TRPM3: variants seen among roughly 807,000 people sequenced by gnomAD.
The protein encoded by TRPM3 is long transient receptor potential channel 3.
TRPM3 carries 77 observed loss-of-function variants against 181.2 expected under a neutral mutation model. The observed-to-expected ratio is 0.42, with a 90% confidence interval of 0.35 to 0.51. The LOEUF is 0.51. Ranked by LOEUF, TRPM3 falls within the 20% of genes least tolerant of loss-of-function variation. TRPM3 has a pLI of 0.01. For missense variants in TRPM3, 1,759 were observed against 2,196.7 expected (o/e 0.80, Z 3.98); for synonymous variants, 745 against 796.4 (o/e 0.94, Z 1.09).
In TRPM3 at chr9:71,321,073, T is replaced by C. The variant is rs573784065; in HGVS notation, c.183+125580A>G. ...TCCATCCTAGATTAAGTTACCATCA[T>C]GGACAATTTAAGCAACTACCTAACA... On this transcript the variant is annotated intron_variant, in intron 1 of 24. Coordinates refer to the TRPM3 transcript ENST00000357533. 5.3e-5 allele frequency among the ~76,000 whole-genome samples: 8 copies of C among 152,174 alleles called. 1 individual carries two copies. Among genetic ancestry groups the C allele is most frequent in the Admixed American group, 5.2e-4 (8 of 15,262 alleles).
chr9:70,632,023 G>A (rs1668685363), intron 12 of TRPM3, among the ~76,000 whole-genome samples: 1 of 152,124 alleles, frequency 6.6e-6, no homozygotes, highest in Non-Finnish European at 1.5e-5. Flanking sequence ...TTGTACCAGA[G>A]TTAATAACTT....
At chr9:71,028,165 G>A (rs1590779925) in intron 1 of TRPM3, among the ~76,000 whole-genome samples, 2 of 152,072 alleles carry the variant, frequency 1.3e-5, no homozygotes, top group African/African-American at 4.8e-5. Context: ...TATATTAAAC[G>A]TTCTTAAAGA....
chr9:70,576,224 C>G lies in TRPM3; in HGVS notation c.3223+14807G>C, dbSNP rs1260152931. The stretch of plus-strand genomic sequence containing the variant: ...CCATATCAGTGTCATAGAAACCCTT[C>G]TGGGAAGCCTTCAATGGTGGAGGAA... On this transcript the variant is annotated intron_variant, in intron 22 of 25. Transcript: ENST00000677713. 2.0e-5 allele frequency among the ~76,000 whole-genome samples: 3 copies of G among 152,174 alleles called. No individual in the cohort carries two copies. In the East Asian group the frequency reaches 5.8e-4, roughly 29 times the overall value.
intron 1 of TRPM3, among the ~76,000 whole-genome samples, chr9:71,183,215 C>T (rs577807583): frequency 2.0e-4 from 30 of 152,166 alleles, no homozygotes; most frequent in African/African-American, 2.6e-4. Flanking sequence ...CTACTGGATC[C>T]GCACAGTCAA....
intron 1 of TRPM3, among the ~76,000 whole-genome samples, chr9:71,254,032 G>C (rs1014498715): frequency 6.6e-6 from 1 of 152,110 alleles, no homozygotes; most frequent in African/African-American, 2.4e-5. Flanking sequence ...TGATTCTCCT[G>C]CCTCAGCCTC....
chr9:70,892,140 C>CG (rs2096213982), intron 1 of TRPM3, among the ~76,000 whole-genome samples: 1 of 152,070 alleles, frequency 6.6e-6, no homozygotes, highest in East Asian at 1.9e-4. Context: ...ATGAATCGCC[C>CG]ATGTTATTTT....
Position 71,121,294 on chromosome 9 carries a change from A to T in TRPM3, c.61T>A (p.Phe21Ile). 6.2e-7 allele frequency: 1 copy of T among 1,614,080 alleles called. No homozygotes were observed. The highest frequency in any genetic ancestry group is 2.2e-5 in the East Asian group (1 of 44,846). ...ACCCCTTCCAAATTCCACCAGGAAAACAAGAAACTGAAAACCTGAGCAATG... is the reference window on the plus strand; with the variant it reads ...ACCCCTTCCAAATTCCACCAGGAAATCAAGAAACTGAAAACCTGAGCAATG... The part of the protein sequence containing the change: ...LGIAQVFSFL[F>I]SWWNLEGVMN... Residue 21 changes from phenylalanine (F) to isoleucine (I), a missense_variant, in exon 1 of 26, where the codon TTT becomes ATT. This residue lies in a region of TRPM3 where 737 missense variants were observed against 957.4 expected (regional missense o/e 0.77). Transcript: ENST00000677713.
rs954257523 is a variant in TRPM3, at chr9:71,324,459, A to G, written c.183+122194T>C. ...GAATGGCTGTTTATTAAAAAGACCA[A>G]AAATTACCAAATTTTGATAAGGATG... On this transcript the variant is annotated intron_variant, in intron 1 of 24. Transcript: ENST00000357533. 3.3e-5 allele frequency among the ~76,000 whole-genome samples: 5 copies of G among 152,204 alleles called. No homozygotes were observed. The East Asian group carries it at 9.7e-4, about 29-fold the overall frequency.
chr9:70,788,536 A>T (rs1250104155), intron 6 of TRPM3, among the ~76,000 whole-genome samples: 1 of 151,976 alleles, frequency 6.6e-6, no homozygotes, highest in Non-Finnish European at 1.5e-5. Context: ...CCTTTTTGAC[A>T]CCAGGGACTG....
intron 3 of TRPM3, among the ~76,000 whole-genome samples, chr9:70,850,647 A>G (rs1409567893): frequency 6.6e-6 from 1 of 152,212 alleles, no homozygotes; most frequent in Non-Finnish European, 1.5e-5. Flanking sequence ...GTGCCTGTAC[A>G]CTGCTACTTG....
intron 1 of TRPM3, among the ~76,000 whole-genome samples, chr9:71,173,692 G>T (rs534120465): frequency 5.3e-5 from 8 of 152,298 alleles, no homozygotes; most frequent in African/African-American, 1.9e-4. Flanking sequence ...TTGGAGAGAG[G>T]CACATTAGAA....
At chr9:71,107,907 C>T (rs1043640053) in intron 1 of TRPM3, among the ~76,000 whole-genome samples, 1 of 151,986 alleles carries the variant, frequency 6.6e-6, no homozygotes, top group African/African-American at 2.4e-5. Flanking sequence ...TTTCTTTTTT[C>T]AAGGACATAA....
At chr9:71,103,322 G>C (rs1021610812) in intron 1 of TRPM3, among the ~76,000 whole-genome samples, 3 of 152,090 alleles carry the variant, frequency 2.0e-5, no homozygotes, top group Non-Finnish European at 4.4e-5. Flanking sequence ...AATTGAAAGA[G>C]GAACCTTAGA....
chr9:71,043,420 T>C (rs1009085838), intron 1 of TRPM3, among the ~76,000 whole-genome samples: 1 of 152,192 alleles, frequency 6.6e-6, no homozygotes, highest in African/African-American at 2.4e-5. Flanking sequence ...GACTAGTGAT[T>C]ATCTTTAATG....
intron 1 of TRPM3, among the ~76,000 whole-genome samples, chr9:71,393,170 G>A (rs1432556962): frequency 6.6e-6 from 1 of 152,106 alleles, no homozygotes; most frequent in Non-Finnish European, 1.5e-5. Context: ...TCAGGCCAAG[G>A]GAGTCAGAGA....
intron 1 of TRPM3, among the ~76,000 whole-genome samples, chr9:71,023,052 C>T (rs2097859485): frequency 6.6e-6 from 1 of 151,954 alleles, no homozygotes; most frequent in South Asian, 2.1e-4. Flanking sequence ...TGTGAAGAAG[C>T]TATAAAGCAG....
At chr9:71,436,513 C>G (rs2094042232) in intron 1 of TRPM3, among the ~76,000 whole-genome samples, 1 of 151,744 alleles carries the variant, frequency 6.6e-6, no homozygotes, top group African/African-American at 2.4e-5. Flanking sequence ...CCATGTTGGC[C>G]AGGATGGTCT....
chr9:70,799,688 T>C (rs938603103), intron 6 of TRPM3, among the ~76,000 whole-genome samples: 1 of 152,172 alleles, frequency 6.6e-6, no homozygotes, highest in African/African-American at 2.4e-5. Context: ...CCTGCAGTAA[T>C]GGGAAAATTA....
intron 1 of TRPM3, among the ~76,000 whole-genome samples, chr9:71,296,048 T>G (rs1166442413): frequency 6.6e-6 from 1 of 152,070 alleles, no homozygotes; most frequent in Non-Finnish European, 1.5e-5. Context: ...GGAAAATGTT[T>G]GTGAAAATGG....
Sources: allele counts gnomAD v4.1 joint callset (sites outside exome capture counted in the v4.1 genomes callset), GRCh38; gene constraint gnomAD v4.1.1; regional missense constraint gnomAD v4.1.1; transcripts MANE v1.5; gene names NCBI Gene and HGNC (gene_info 2026-07-23, HGNC 2026-07-21).